LYPD6B: variants seen among roughly 807,000 people sequenced by gnomAD.
LYPD6B encodes the protein LY6/PLAUR domain containing 6B.
Under a neutral mutation model 22.8 loss-of-function variants are expected in LYPD6B, and 17 were observed. The observed-to-expected ratio is 0.75, with a 90% confidence interval of 0.51 to 1.12. The LOEUF (loss-of-function observed/expected upper bound fraction) is 1.12. LYPD6B is among the 50% of genes most tolerant of loss of function. LYPD6B has a pLI of 0.00. For missense variants in LYPD6B, 221 were observed against 258.3 expected (o/e 0.86, Z 0.99); for synonymous variants, 106 against 91.6 (o/e 1.16, Z -0.90).
intron 1 of LYPD6B, among the ~76,000 whole-genome samples, chr2:149,047,089 T>C (rs1469825850): frequency 6.6e-6 from 1 of 152,242 alleles, no homozygotes; most frequent in African/African-American, 2.4e-5. Context: ...CAGTTATCTT[T>C]TATAGCAATT....
rs1196376154 is a variant in LYPD6B at position 149,148,827 on chromosome 2, G to T, written c.6-11937G>T. ...ACAGGTGTGACACGAGTGCTTGGCTGACTGCAAAGAGTAGGATTATGGGAC... is the reference window on the plus strand; with the variant it reads ...ACAGGTGTGACACGAGTGCTTGGCTTACTGCAAAGAGTAGGATTATGGGAC... On this transcript the variant is annotated intron_variant, in intron 2 of 6. Coordinates refer to ENST00000409642, the MANE Select transcript of LYPD6B (RefSeq NM_177964.5). Among the ~76,000 whole-genome samples, 10 of 152,318 alleles carry T rather than the reference G, an allele frequency of 6.6e-5. No individual in the cohort carries two copies. In the East Asian group the frequency reaches 1.9e-3, roughly 29 times the overall value.
intron 1 of LYPD6B, among the ~76,000 whole-genome samples, chr2:149,067,980 A>G (rs972828910): frequency 1.3e-5 from 2 of 152,182 alleles, no homozygotes; most frequent in African/African-American, 4.8e-5. Context: ...AATGATCTCA[A>G]CAGAAAGTCC....
At chr2:149,094,486 G>A (rs565521030) in intron 1 of LYPD6B, among the ~76,000 whole-genome samples, 35 of 152,298 alleles carry the variant, frequency 2.3e-4, no homozygotes, top group East Asian at 1.5e-3. Context: ...TGAACAGGTC[G>A]TCGGGAGACT....
intron 1 of LYPD6B, among the ~76,000 whole-genome samples, chr2:149,086,260 T>A (rs962399616): frequency 2.6e-5 from 4 of 152,136 alleles, no homozygotes; most frequent in African/African-American, 9.7e-5. Flanking sequence ...GGAGGCTACA[T>A]CTAGAAAAAA....
At chr2:149,130,037 C>T (rs771217126) in intron 1 of LYPD6B, among the ~76,000 whole-genome samples, 1 of 152,128 alleles carries the variant, frequency 6.6e-6, no homozygotes, top group Admixed American at 6.5e-5. Flanking sequence ...TGGGTACACC[C>T]GCCTCTTTCT....
chr2:149,103,397 A>G (rs946522832), intron 1 of LYPD6B, among the ~76,000 whole-genome samples: 5 of 152,220 alleles, frequency 3.3e-5, no homozygotes, highest in South Asian at 2.1e-4. Context: ...CTGTTCAAGA[A>G]AATTTTTGCA....
intron 3 of LYPD6B, among the ~76,000 whole-genome samples, chr2:149,197,936 G>A (rs1195197931): frequency 6.6e-6 from 1 of 152,120 alleles, no homozygotes; most frequent in East Asian, 1.9e-4. Context: ...GCACTTATTA[G>A]GTTCCTACCA....
At chr2:149,072,482 T>TTTTTTTTTTA (rs560532209) in intron 1 of LYPD6B, among the ~76,000 whole-genome samples, 7 of 129,844 alleles carry the variant, frequency 5.4e-5, no homozygotes, top group Non-Finnish European at 9.9e-5. Flanking sequence ...AGGGTGGTTA[T>TTTTTTTTTTA]TTTTATTTTA....
intron 3 of LYPD6B, among the ~76,000 whole-genome samples, chr2:149,177,807 A>G (rs1291727587): frequency 1.3e-5 from 2 of 150,862 alleles, no homozygotes; most frequent in Non-Finnish European, 2.9e-5. Flanking sequence ...CTCCTTACAC[A>G]ACCTGGCACT....
At chr2:149,177,013 T>C (rs770034577) in intron 3 of LYPD6B, among the ~76,000 whole-genome samples, 11 of 152,342 alleles carry the variant, frequency 7.2e-5, no homozygotes, top group Non-Finnish European at 1.2e-4. Flanking sequence ...TTGAATTGTT[T>C]ATGAAGATTT....
At chr2:149,189,342 T>TTATA (rs770703554) in intron 3 of LYPD6B, among the ~76,000 whole-genome samples, 4,107 of 65,808 alleles carry the variant, frequency 0.062, 227 homozygotes, top group East Asian at 0.099. Flanking sequence ...TTGTCCAAAA[T>TTATA]TATATATATA....
intron 1 of LYPD6B, among the ~76,000 whole-genome samples, chr2:149,119,471 G>T (rs767392330): frequency 2.0e-5 from 3 of 152,214 alleles, no homozygotes; most frequent in Non-Finnish European, 4.4e-5. Context: ...AATGGGGAAA[G>T]TACATTTCTC....
At chr2:149,188,974 T>C (rs1692302560) in intron 3 of LYPD6B, among the ~76,000 whole-genome samples, 1 of 152,162 alleles carries the variant, frequency 6.6e-6, no homozygotes, top group South Asian at 2.1e-4. Flanking sequence ...GTAAGGAAAC[T>C]GAAATGCTGA....
chr2:149,128,354 A>T (rs1421286928), intron 1 of LYPD6B, among the ~76,000 whole-genome samples: 3 of 152,250 alleles, frequency 2.0e-5, no homozygotes, highest in African/African-American at 7.2e-5. Context: ...TTTAATTAGT[A>T]GAGCAGGTTA....
chr2:149,110,981 G>A (rs186537454), intron 1 of LYPD6B, among the ~76,000 whole-genome samples: 6 of 152,278 alleles, frequency 3.9e-5, no homozygotes. Flanking sequence ...GAAGTAGTGT[G>A]GCTGGTAGCT....
chr2:149,089,157 A>G (rs1030087980), intron 1 of LYPD6B, among the ~76,000 whole-genome samples: 1 of 152,244 alleles, frequency 6.6e-6, no homozygotes, highest in Admixed American at 6.5e-5. Flanking sequence ...ATTTTTCAAT[A>G]TTGAAAGAGT....
At chr2:149,205,738 T>A (rs540206553) in intron 4 of LYPD6B, among the ~76,000 whole-genome samples, 3 of 152,334 alleles carry the variant, frequency 2.0e-5, no homozygotes, top group African/African-American at 7.2e-5. Flanking sequence ...TGTTGCATGT[T>A]TCTGCATAAA....
intron 1 of LYPD6B, among the ~76,000 whole-genome samples, chr2:149,075,489 A>T (rs1296125041): frequency 6.9e-6 from 1 of 145,330 alleles, no homozygotes; most frequent in African/African-American, 2.5e-5. Flanking sequence ...GATGAAGTTA[A>T]ATAGTTCATA....
At chr2:149,129,444 C>A (rs749926253) in intron 1 of LYPD6B, among the ~76,000 whole-genome samples, 3 of 152,226 alleles carry the variant, frequency 2.0e-5, no homozygotes, top group Admixed American at 1.3e-4. Context: ...CTTTAGGGAA[C>A]CCCTCCTCAA....
Sources: gnomAD v4.1 joint callset for allele counts (sites outside exome capture counted in the v4.1 genomes callset) on GRCh38, gnomAD v4.1.1 for gene constraint, MANE v1.5 for transcripts, NCBI Gene and HGNC (gene_info 2026-07-23, HGNC 2026-07-21) for gene names.